CCBE1: variants seen among roughly 807,000 people sequenced by gnomAD.
CCBE1 encodes collagen and calcium-binding EGF domain-containing protein 1.
A neutral mutation model predicts 50.0 loss-of-function variants in CCBE1; 37 were observed. The observed-to-expected ratio is 0.74, with a 90% CI of 0.57 to 0.97. The LOEUF is 0.97. Among genes scored for constraint, CCBE1 ranks in the 50% least tolerant of loss-of-function variants. The pLI is 0.00. For synonymous variants in CCBE1, 234 were observed against 203.7 expected (o/e 1.15, Z -1.27); for missense variants, 538 against 523.8 (o/e 1.03, Z -0.26).
chr18:59,601,110 C>T (rs1044564456), intron 2 of CCBE1, among the ~76,000 whole-genome samples: 1 of 142,474 alleles, frequency 7.0e-6, no homozygotes, highest in Non-Finnish European at 1.5e-5. Flanking sequence ...CGGCTCACTG[C>T]AACCTCTGCC....
chr18:59,695,214 T>G (rs1472923184), intron 2 of CCBE1, among the ~76,000 whole-genome samples: 1 of 152,220 alleles, frequency 6.6e-6, no homozygotes, highest in African/African-American at 2.4e-5. Flanking sequence ...GGCTTTATAC[T>G]GTGCTGATAG....
intron 2 of CCBE1, among the ~76,000 whole-genome samples, chr18:59,619,312 ATT>A (rs1384560391): frequency 2.6e-5 from 4 of 152,054 alleles, no homozygotes; most frequent in Non-Finnish European, 5.9e-5. Flanking sequence ...TATCATTATT[ATT>A]TTGTTTTTTA....
At chr18:59,527,787 AAAAAGGT>A (rs1914886733) in intron 2 of CCBE1, among the ~76,000 whole-genome samples, 2 of 152,264 alleles carry the variant, frequency 1.3e-5, no homozygotes, top group African/African-American at 4.8e-5. Context: ...AAATTCTTTT[AAAAAGGT>A]TGAATACTGG....
chr18:59,506,524 G>T (rs1327565244), intron 2 of CCBE1, among the ~76,000 whole-genome samples: 1 of 152,254 alleles, frequency 6.6e-6, no homozygotes, highest in Non-Finnish European at 1.5e-5. Flanking sequence ...GTGCTGGGCA[G>T]ACCACTTTCA....
At chr18:59,461,447 TCTACCCTTCTCTCTACC>T (rs1911470726) in intron 5 of CCBE1, among the ~76,000 whole-genome samples, 3 of 145,438 alleles carry the variant, frequency 2.1e-5, no homozygotes, top group African/African-American at 8.6e-5. Flanking sequence ...ATTGCTTCCC[TCTACCCTTCTCTCTACC>T]CTTGAGTTTC....
intron 2 of CCBE1, among the ~76,000 whole-genome samples, chr18:59,580,452 C>T (rs950839281): frequency 3.3e-5 from 5 of 152,176 alleles, no homozygotes; most frequent in East Asian, 3.9e-4. Context: ...GAGCACATGT[C>T]GTCAGGACCT....
At chr18:59,446,000 T>C (rs540757636) in intron 7 of CCBE1, among the ~76,000 whole-genome samples, 2 of 152,316 alleles carry the variant, frequency 1.3e-5, no homozygotes, top group South Asian at 2.1e-4. Flanking sequence ...AACTGGACTT[T>C]TATTTAAGGG....
chr18:59,540,190 A>G (rs1419712846), intron 2 of CCBE1, among the ~76,000 whole-genome samples: 3 of 152,220 alleles, frequency 2.0e-5, no homozygotes, highest in East Asian at 1.9e-4. Flanking sequence ...ACTCCTTAAC[A>G]TTTCCTCCAT....
At chr18:59,613,612 T>C (rs1234196432) in intron 2 of CCBE1, among the ~76,000 whole-genome samples, 2 of 152,074 alleles carry the variant, frequency 1.3e-5, no homozygotes, top group African/African-American at 4.8e-5. Flanking sequence ...AAAATATCAA[T>C]ATAGAGGCCA....
intron 10 of CCBE1, among the ~76,000 whole-genome samples, chr18:59,437,188 C>T (rs1347951114): frequency 3.9e-5 from 6 of 152,122 alleles, no homozygotes; most frequent in African/African-American, 1.2e-4. Context: ...TTTCATATAG[C>T]GCTGTGTGGG....
At chr18:59,673,088 T>C (rs771213905) in intron 2 of CCBE1, among the ~76,000 whole-genome samples, 5 of 152,182 alleles carry the variant, frequency 3.3e-5, no homozygotes, top group Non-Finnish European at 7.4e-5. Context: ...TGGTAAGTTA[T>C]GGGACTGTGA....
chr18:59,475,779 ACAATTTCGGCTCACTGCAAC>A (rs1912278412), intron 3 of CCBE1, among the ~76,000 whole-genome samples: 1 of 152,046 alleles, frequency 6.6e-6, no homozygotes, highest in Admixed American at 6.6e-5. Context: ...GTGCGCTGGC[ACAATTTCGGCTCACTGCAAC>A]CTCCACCTCC....
At chr18:59,487,575 G>C (rs968284114) in intron 2 of CCBE1, among the ~76,000 whole-genome samples, 4 of 152,068 alleles carry the variant, frequency 2.6e-5, no homozygotes, top group East Asian at 1.9e-4. Flanking sequence ...AGAGTATCAT[G>C]GTCACTACAG....
chr18:59,532,594 T>C (rs1237767741), intron 2 of CCBE1, among the ~76,000 whole-genome samples: 1 of 152,222 alleles, frequency 6.6e-6, no homozygotes, highest in Non-Finnish European at 1.5e-5. Context: ...CATTTTCTCA[T>C]ATGTTGTCCC....
Position 59,680,652 on chromosome 18 carries a change from T to C in CCBE1, c.212+15977A>G, listed in dbSNP as rs567002732. ...GGCGGAGGTTGCAGTGAGCCGAGAT[T>C]GCTGCCACTGCACTCCAGCCTGGGA... On this transcript the variant is annotated intron_variant, in intron 2 of 10. Coordinates refer to ENST00000439986, the MANE Select transcript of CCBE1 (RefSeq NM_133459.4). Among the ~76,000 whole-genome samples the C allele has an allele frequency of 7.9e-5, 12 of 151,182 alleles. No homozygotes were observed. The South Asian group carries it at 2.5e-3, about 32-fold the overall frequency.
At chr18:59,658,376 T>C (rs866935564) in intron 2 of CCBE1, among the ~76,000 whole-genome samples, 1 of 10,150 alleles carries the variant, frequency 9.9e-5, no homozygotes, top group Non-Finnish European at 1.5e-4. Context: ...TATATATATA[T>C]ATATATATAT....
intron 3 of CCBE1, among the ~76,000 whole-genome samples, chr18:59,473,708 C>G (rs112357405): frequency 2.3e-4 from 20 of 87,232 alleles, no homozygotes; most frequent in East Asian, 2.0e-3. Context: ...CTACTCCCCC[C>G]CTACTACTCA....
chr18:59,540,700 A>G (rs1460724271), intron 2 of CCBE1, among the ~76,000 whole-genome samples: 53 of 152,186 alleles, frequency 3.5e-4, no homozygotes, highest in Admixed American at 3.4e-3. Context: ...GTGTTGGCAA[A>G]CTGGCTTTCT....
intron 2 of CCBE1, among the ~76,000 whole-genome samples, chr18:59,691,621 G>A (rs2054734655): frequency 6.6e-6 from 1 of 152,104 alleles, no homozygotes; most frequent in South Asian, 2.1e-4. Context: ...GGCCAGGCTG[G>A]TCTCAAACTC....
Sources: allele counts gnomAD v4.1 joint callset (sites outside exome capture counted in the v4.1 genomes callset), GRCh38; gene constraint gnomAD v4.1.1; transcripts MANE v1.5; gene names NCBI Gene and HGNC (gene_info 2026-07-23, HGNC 2026-07-21).